Variants in FILIP1 observed in about 807,000 individuals in gnomAD.
FILIP1 encodes filamin-A-interacting protein 1.
FILIP1 carries 61 observed loss-of-function variants against 102.1 expected under a neutral mutation model. The ratio of observed to expected loss-of-function variants is 0.60; its 90% CI spans 0.49 to 0.74. The LOEUF is 0.74. Ranked by LOEUF, FILIP1 falls within the 30% of genes least tolerant of loss-of-function variation. The pLI, the probability that FILIP1 is intolerant of heterozygous loss-of-function variation, is 0.00. For synonymous variants in FILIP1, 491 were observed against 526.9 expected, an observed-to-expected ratio of 0.93 and a Z score of 0.93; for missense variants, 1,314 against 1,441.2, an observed-to-expected ratio of 0.91 and a Z score of 1.43.
chr6:75,345,531 T>TA (rs5877450), intron 4 of FILIP1, among the ~76,000 whole-genome samples: 2,766 of 152,090 alleles, frequency 0.018, 75 homozygotes, highest in East Asian at 0.11. Flanking sequence ...TCACGTACAG[T>TA]AAGGAGCAGA....
chr6:75,450,881 C>T (rs1203470973), intron 1 of FILIP1, among the ~76,000 whole-genome samples: 5 of 151,726 alleles, frequency 3.3e-5, no homozygotes, highest in African/African-American at 4.8e-5. Flanking sequence ...CTTGAACCTG[C>T]GAGGCAGAGG....
intron 4 of FILIP1, among the ~76,000 whole-genome samples, chr6:75,325,701 G>C (rs1264601215): frequency 6.7e-6 from 1 of 148,740 alleles, no homozygotes; most frequent in Non-Finnish European, 1.5e-5. Flanking sequence ...ATACCATCTT[G>C]CTCCTGCAAG....
intron 2 of FILIP1, among the ~76,000 whole-genome samples, chr6:75,404,969 A>T (rs1776790124): frequency 6.6e-6 from 1 of 152,134 alleles, no homozygotes; most frequent in South Asian, 2.1e-4. Context: ...CCCTCAGTTG[A>T]CCTGAGTTTC....
intron 2 of FILIP1, chr6:75,398,966 C>T (rs1159355129): frequency 6.6e-6 from 1 of 152,100 alleles, no homozygotes; most frequent in African/African-American, 2.4e-5. Context: ...ACAGCTAAGG[C>T]GAGAGCACTG....
At chr6:75,368,380 G>C (rs1775409707) in intron 2 of FILIP1, among the ~76,000 whole-genome samples, 1 of 152,092 alleles carries the variant, frequency 6.6e-6, no homozygotes, top group Non-Finnish European at 1.5e-5. Flanking sequence ...TTCAAAAGAG[G>C]GCCGAATCCA....
chr6:75,438,854 AT>A lies in FILIP1; in HGVS notation c.-6-23877del, dbSNP rs1038298541. 1.1e-4 allele frequency among the ~76,000 whole-genome samples: 16 copies of A among 151,920 alleles called. 1 individual carries two copies. Among genetic ancestry groups the A allele is most frequent in the African/African-American group, 3.6e-4 (15 of 41,480 alleles). ...CATGGACTCTTTATTAAGATGAGGAATTGACAGGGTTTCCCAGAAATTACAG... is the reference window on the plus strand; with the variant it reads ...CATGGACTCTTTATTAAGATGAGGAATGACAGGGTTTCCCAGAAATTACAG... On this transcript the variant is annotated intron_variant, in intron 1 of 5. Coordinates refer to ENST00000237172, the MANE Select transcript of FILIP1 (RefSeq NM_015687.5).
intron 2 of FILIP1, among the ~76,000 whole-genome samples, chr6:75,378,673 A>G (rs1775814747): frequency 6.6e-6 from 1 of 152,212 alleles, no homozygotes; most frequent in African/African-American, 2.4e-5. Context: ...ATGCACGTGA[A>G]GAGAAAACTG....
chr6:75,441,708 ACT>A (rs1778246563), intron 1 of FILIP1, among the ~76,000 whole-genome samples: 2 of 78,744 alleles, frequency 2.5e-5, no homozygotes, highest in Admixed American at 1.3e-4. Flanking sequence ...CGGGCGGGGG[ACT>A]GACCCCCCCA....
At chr6:75,350,948 C>G (rs575091934) in intron 4 of FILIP1, among the ~76,000 whole-genome samples, 4 of 152,314 alleles carry the variant, frequency 2.6e-5, no homozygotes, top group Admixed American at 2.6e-4. Flanking sequence ...CACAGGACAC[C>G]TAACCAGATG....
intron 2 of FILIP1, among the ~76,000 whole-genome samples, chr6:75,363,703 C>T (rs2703711): frequency 3.3e-5 from 5 of 152,048 alleles, no homozygotes; most frequent in Non-Finnish European, 7.4e-5. Flanking sequence ...GTTTTGCACT[C>T]GTTAGTAGGG....
intron 2 of FILIP1, among the ~76,000 whole-genome samples, chr6:75,396,306 G>T (rs1776458650): frequency 6.6e-6 from 1 of 151,752 alleles, no homozygotes; most frequent in South Asian, 2.1e-4. Context: ...GCTAACTCTT[G>T]CTGTGATCTG....
chr6:75,423,659 C>T (rs1163873639), intron 1 of FILIP1, among the ~76,000 whole-genome samples: 1 of 152,144 alleles, frequency 6.6e-6, no homozygotes, highest in Non-Finnish European at 1.5e-5. Flanking sequence ...ACAACAATGC[C>T]GGACCACACA....
chr6:75,423,048 C>T (rs1777519152), intron 1 of FILIP1, among the ~76,000 whole-genome samples: 1 of 152,052 alleles, frequency 6.6e-6, no homozygotes, highest in African/African-American at 2.4e-5. Flanking sequence ...ATAAGTTTTG[C>T]AAAGGAGATA....
At chr6:75,427,923 T>C (rs574386804) in intron 1 of FILIP1, among the ~76,000 whole-genome samples, 1 of 152,318 alleles carries the variant, frequency 6.6e-6, no homozygotes, top group South Asian at 2.1e-4. Flanking sequence ...ACTGTCTTTG[T>C]TTGTTAACAC....
intron 4 of FILIP1, among the ~76,000 whole-genome samples, chr6:75,324,176 G>C (rs944580885): frequency 6.6e-6 from 1 of 152,018 alleles, no homozygotes; most frequent in East Asian, 1.9e-4. Flanking sequence ...TTCTAGATCT[G>C]ATTAATGAAT....
intron 2 of FILIP1, among the ~76,000 whole-genome samples, chr6:75,379,761 T>C (rs1459890375): frequency 2.0e-5 from 3 of 152,232 alleles, no homozygotes; most frequent in Non-Finnish European, 4.4e-5. Context: ...CCGCATGGTG[T>C]GCTCTCCCAT....
intron 4 of FILIP1, chr6:75,319,515 T>A: frequency 1.7e-6 from 1 of 579,070 alleles, no homozygotes; most frequent in Non-Finnish European, 3.4e-6. Context: ...GACATGGTCT[T>A]CTACCTCTCT....
chr6:75,391,848 C>T (rs939037390), intron 2 of FILIP1, among the ~76,000 whole-genome samples: 5 of 152,158 alleles, frequency 3.3e-5, no homozygotes, highest in Non-Finnish European at 7.4e-5. Flanking sequence ...ATTGCCTATA[C>T]ATACTGTCTC....
chr6:75,458,051 C>T (rs1232048473), intron 1 of FILIP1: 4 of 152,074 alleles, frequency 2.6e-5, no homozygotes, highest in African/African-American at 9.7e-5. Context: ...GAATTTCAGA[C>T]AAAAAACAAG....
Sources: allele counts gnomAD v4.1 joint callset (sites outside exome capture counted in the v4.1 genomes callset), GRCh38; gene constraint gnomAD v4.1.1; transcripts MANE v1.5; gene names NCBI Gene and HGNC (gene_info 2026-07-23, HGNC 2026-07-21).